Variants in STXBP5 observed in about 807,000 individuals in gnomAD.
STXBP5 encodes syntaxin binding protein 5, also known as syntaxin-binding protein 5.
A neutral mutation model predicts 152.4 loss-of-function variants in STXBP5; 50 were observed. That is an observed-to-expected ratio of 0.33 (90% CI 0.26 to 0.42). The LOEUF (loss-of-function observed/expected upper bound fraction) is 0.42, where lower values mean the gene tolerates loss of function less well. STXBP5 is among the 10% of genes least tolerant of loss of function. The pLI is 1.00. For synonymous variants in STXBP5, 492 were observed against 494.7 expected, an observed-to-expected ratio of 0.99 and a Z score of 0.07; for missense variants, 1,167 against 1,388.6, an observed-to-expected ratio of 0.84 and a Z score of 2.54.
rs760123944 is a variant in STXBP5 at position 147,204,724 on chromosome 6, T to C, written c.150+42T>C. Reference sequence around the variant, plus strand: ...GCCCCGCGACACCGTCATTGAAAAATTGGGGTTGTTTTAAGGGGGCTACTC... The same window carrying C: ...GCCCCGCGACACCGTCATTGAAAAACTGGGGTTGTTTTAAGGGGGCTACTC... On this transcript the variant is annotated intron_variant, in intron 1 of 27. Transcript: ENST00000321680. This position sits in a 1 kb window ranked among gnomAD's most constrained non-coding sequence, Gnocchi z 4.3. 1 of 1,516,632 alleles carries C rather than the reference T, an allele frequency of 6.6e-7. No individual in the cohort carries two copies. Among genetic ancestry groups the C allele is most frequent in the Non-Finnish European group, 8.9e-7 (1 of 1,129,580 alleles). 93.9% of individuals were successfully genotyped at this position (1,516,632 alleles called of 1,614,324 possible). A position where few individuals can be genotyped will look rare whatever the true frequency, so the allele number is the denominator to read the frequency against.
chr6:147,323,383 C>T (rs182888435), intron 16 of STXBP5, among the ~76,000 whole-genome samples: 6 of 152,018 alleles, frequency 3.9e-5, no homozygotes, highest in Admixed American at 3.9e-4. Context: ...CCTTCATTGG[C>T]CTTTAATTCT....
intron 2 of STXBP5, among the ~76,000 whole-genome samples, chr6:147,213,391 C>T: frequency 6.8e-6 from 1 of 147,578 alleles, no homozygotes; most frequent in Non-Finnish European, 1.5e-5. Context: ...GTAGTTGGGA[C>T]CACAGATGTG....
At chr6:147,310,528 A>AAT (rs1782317237) in intron 10 of STXBP5, among the ~76,000 whole-genome samples, 1 of 95,064 alleles carries the variant, frequency 1.1e-5, no homozygotes, top group East Asian at 3.0e-4. Flanking sequence ...TAGGAGAGAA[A>AAT]GTGATTGATT....
At position 147,263,909 on chromosome 6, in the gene STXBP5, C is replaced by G. The variant is rs554481318; in HGVS notation, c.630+1556C>G. ...CTTTGTATTAGAAATGTGTGCATAT[C>G]TCAGCTCCCCTGAATTTGAAACTCG... On this transcript the variant is annotated intron_variant, in intron 6 of 27. Transcript: ENST00000321680. 2.5e-3 allele frequency among the ~76,000 whole-genome samples: 375 copies of G among 151,982 alleles called. 4 individuals are homozygous for G. The highest frequency in any genetic ancestry group is 3.9e-3 in the Non-Finnish European group (262 of 67,908).
chr6:147,258,417 CA>C (rs1659028871), intron 4 of STXBP5, among the ~76,000 whole-genome samples: 1 of 152,066 alleles, frequency 6.6e-6, no homozygotes, highest in African/African-American at 2.4e-5. Context: ...ACACGCATAA[CA>C]CATAGTTTTT....
chr6:147,255,545 G>A (rs1779316902), intron 4 of STXBP5, among the ~76,000 whole-genome samples: 1 of 152,024 alleles, frequency 6.6e-6, no homozygotes, highest in Non-Finnish European at 1.5e-5. Flanking sequence ...GTTTAAGGAG[G>A]GAGGGTTGGT....
At chr6:147,361,499 C>A (rs540232717) in intron 23 of STXBP5, among the ~76,000 whole-genome samples, 4 of 152,104 alleles carry the variant, frequency 2.6e-5, no homozygotes, top group African/African-American at 2.4e-5. Flanking sequence ...CTCATGTCAT[C>A]GGTATTGGAG....
chr6:147,384,661 T>C, intron 27 of STXBP5, 53 bp from the exon 28 acceptor site: 2 of 1,543,598 alleles, frequency 1.3e-6, no homozygotes, highest in East Asian at 2.3e-5. Context: ...CACTTATAAA[T>C]GTTATTGTTC....
At chr6:147,221,432 A>G (rs1777455181) in intron 2 of STXBP5, among the ~76,000 whole-genome samples, 1 of 152,090 alleles carries the variant, frequency 6.6e-6, no homozygotes, top group African/African-American at 2.4e-5. Context: ...TAAGAAAAAA[A>G]CAACTTTGAC....
chr6:147,312,815 T>C (rs759346541), intron 11 of STXBP5, among the ~76,000 whole-genome samples: 5 of 152,208 alleles, frequency 3.3e-5, no homozygotes, highest in Non-Finnish European at 5.9e-5. Context: ...GAATAACTTA[T>C]TCTTAATATG....
Position 147,383,283 on chromosome 6 carries a change from G to A in STXBP5, c.3414+285G>A, listed in dbSNP as rs114630731. ...TTTGCAACTGTTTCTTAAGGAATGC[G>A]ATACCAATGTTAATTTTTCTTAATG... On this transcript the variant is annotated intron_variant, in intron 27 of 27. Transcript: ENST00000321680. 9.3e-3 allele frequency among the ~76,000 whole-genome samples: 1,422 copies of A among 152,174 alleles called. 26 individuals carry two copies. The highest frequency in any genetic ancestry group is 0.033 in the African/African-American group (1,354 of 41,530).
chr6:147,295,814 C>G (rs573867828), intron 9 of STXBP5, among the ~76,000 whole-genome samples: 22 of 152,292 alleles, frequency 1.4e-4, no homozygotes, highest in Admixed American at 1.1e-3. Flanking sequence ...AGAGAATGAA[C>G]AATGTGTGTA....
intron 27 of STXBP5, among the ~76,000 whole-genome samples, chr6:147,383,427 G>A (rs1296420103): frequency 6.6e-6 from 1 of 151,992 alleles, no homozygotes; most frequent in Non-Finnish European, 1.5e-5. Context: ...ACAATACTAA[G>A]TCCGCGTTGT....
chr6:147,343,792 A>G (rs1784196251), intron 21 of STXBP5, among the ~76,000 whole-genome samples: 1 of 152,228 alleles, frequency 6.6e-6, no homozygotes, highest in South Asian at 2.1e-4. Context: ...TATTCATTGT[A>G]AAACTCAAAA....
At chr6:147,255,519 G>GTTA (rs1433835320) in intron 4 of STXBP5, among the ~76,000 whole-genome samples, 4 of 151,956 alleles carry the variant, frequency 2.6e-5, no homozygotes, top group Admixed American at 2.0e-4. Flanking sequence ...TGTTGTTGTT[G>GTTA]TTGTTGTTGT....
chr6:147,293,337 C>T (rs372470998), intron 9 of STXBP5: 11 of 152,182 alleles, frequency 7.2e-5, no homozygotes, highest in African/African-American at 2.2e-4. Flanking sequence ...TTTCTTTTGT[C>T]ACCTAAGATG....
chr6:147,359,040 C>G (rs117319597), intron 22 of STXBP5, 44 bp from the exon 23 acceptor site: 4 of 1,585,558 alleles, frequency 2.5e-6, no homozygotes, highest in South Asian at 1.1e-5. Context: ...CAAATAACTT[C>G]TTTTATAACT....
intron 25 of STXBP5, among the ~76,000 whole-genome samples, chr6:147,372,401 CTTTTCCTTTTTTTTTTTTTTTTTTTTTTT>C (rs1785585305): frequency 1.0e-4 from 1 of 9,614 alleles, no homozygotes; most frequent in African/African-American, 4.2e-4. Flanking sequence ...TACTACCGTC[CTTTTCCTTTTTTTTTTTTTTTTTTTTTTT>C]TTTTTTTTTT....
At chr6:147,361,569 G>A (rs1233996293) in intron 23 of STXBP5, among the ~76,000 whole-genome samples, 1 of 152,004 alleles carries the variant, frequency 6.6e-6, no homozygotes, top group Non-Finnish European at 1.5e-5. Context: ...AGCCTAAAGT[G>A]GTCTACTTTG....
Sources: allele counts gnomAD v4.1 joint callset (sites outside exome capture counted in the v4.1 genomes callset), GRCh38; gene constraint gnomAD v4.1.1; non-coding constraint Gnocchi (gnomAD v3.1); transcripts MANE v1.5; gene names NCBI Gene and HGNC (gene_info 2026-07-23, HGNC 2026-07-21).